The following IMPG1 variants were observed in gnomAD, a reference collection of about 807,000 sequenced individuals.
IMPG1 encodes interphotoreceptor matrix proteoglycan of 150 kDa.
In IMPG1, 85 loss-of-function variants were observed where a neutral mutation model predicts 92.0. The ratio of observed to expected loss-of-function variants is 0.92; its 90% CI spans 0.78 to 1.11. IMPG1 has a LOEUF of 1.11. Among genes scored for constraint, IMPG1 ranks in the 50% least tolerant of loss-of-function variants. IMPG1 has a pLI of 0.00. For missense variants in IMPG1, 1,022 were observed against 956.0 expected (o/e 1.07, Z -0.91); for synonymous variants, 367 against 334.1 (o/e 1.10, Z -1.08).
intron 1 of IMPG1, among the ~76,000 whole-genome samples, chr6:76,067,045 C>G (rs1049090857): frequency 6.6e-6 from 1 of 151,806 alleles, no homozygotes; most frequent in African/African-American, 2.4e-5. Flanking sequence ...CAAAGCAGTG[C>G]TAAGAGAGAA....
rs3736926 is a variant in IMPG1, at chr6:76,007,275, A to G, written c.887+205T>C. ...GCTGACCAAGGAAATATTTACCTGT[A>G]TCCCACATAGTGACTTTGATAAGAG... On this transcript the variant is annotated intron_variant, in intron 9 of 16. Coordinates refer to ENST00000369950, the MANE Select transcript of IMPG1 (RefSeq NM_001563.4). Among the ~76,000 whole-genome samples the G allele has an allele frequency of 1.3e-3, 199 of 152,190 alleles. 3 individuals are homozygous for G. In the East Asian group the frequency reaches 0.029, roughly 22 times the overall value.
chr6:76,061,635 A>G lies in IMPG1; in HGVS notation c.67+10787T>C, dbSNP rs149052595. On this transcript the variant is annotated intron_variant, in intron 1 of 16. Coordinates refer to ENST00000369950, the MANE Select transcript of IMPG1 (RefSeq NM_001563.4). ...TAAAGGTTTCATTTAGTATAACCAA[A>G]TGTAATGTAAAAGACACATACTAAG... Among the ~76,000 whole-genome samples, 548 of 152,352 alleles carry G rather than the reference A, an allele frequency of 3.6e-3. 4 individuals are homozygous for G. Among genetic ancestry groups the G allele is most frequent in the African/African-American group, 0.013 (522 of 41,582 alleles).
chr6:76,067,185 A>G (rs1784323457), intron 1 of IMPG1, among the ~76,000 whole-genome samples: 1 of 152,064 alleles, frequency 6.6e-6, no homozygotes, highest in Non-Finnish European at 1.5e-5. Flanking sequence ...AATAACAAAC[A>G]TCAAAGGAGA....
chr6:76,067,377 T>C (rs1305314715), intron 1 of IMPG1, among the ~76,000 whole-genome samples: 1 of 151,874 alleles, frequency 6.6e-6, no homozygotes, highest in Non-Finnish European at 1.5e-5. Context: ...ACCACAGAAA[T>C]ACAAAAGATC....
At chr6:75,964,849 T>A (rs1225443078) in intron 12 of IMPG1, among the ~76,000 whole-genome samples, 1 of 152,110 alleles carries the variant, frequency 6.6e-6, no homozygotes, top group Non-Finnish European at 1.5e-5. Flanking sequence ...CATGTTGCCC[T>A]TTTACAGTCA....
intron 14 of IMPG1, among the ~76,000 whole-genome samples, chr6:75,932,593 A>G (rs556479715): frequency 2.6e-4 from 40 of 152,312 alleles, no homozygotes; most frequent in African/African-American, 9.6e-4. Context: ...AACTTTTGTA[A>G]GCAAAATTTT....
intron 12 of IMPG1, among the ~76,000 whole-genome samples, chr6:75,983,485 T>C (rs955540315): frequency 2.0e-5 from 3 of 152,082 alleles, no homozygotes; most frequent in African/African-American, 7.2e-5. Context: ...GAAAGGACAG[T>C]CTCTTCAATA....
intron 10 of IMPG1, 123 bp from the exon 11 acceptor site, chr6:76,004,073 C>G (rs1417102970): frequency 3.1e-6 from 2 of 654,830 alleles, no homozygotes; most frequent in Non-Finnish European, 5.2e-6. Flanking sequence ...TACAACAAAT[C>G]ATTAGGAAAC....
At chr6:76,005,616 C>G in intron 9 of IMPG1, 82 bp from the exon 10 acceptor site, 2 of 1,456,552 alleles carry the variant, frequency 1.4e-6, no homozygotes, top group Non-Finnish European at 1.9e-6. Context: ...TGCTACAAAG[C>G]TTCAGGATAG....
rs1161286989 is a variant in IMPG1 at position 76,022,022 on chromosome 6, ATTTAAAGGATGG to A, written c.666+82_666+93del. ...GTCACAAAAATACAGCACTAATATT[ATTTAAAGGATGG>A]TTTATCCATTCTCTTTTCCTGTTTT... On this transcript the variant is annotated intron_variant, in intron 6 of 16. Transcript: ENST00000369950. The A allele has an allele frequency of 9.2e-6, 6 of 650,260 alleles. No homozygotes were observed. The Admixed American group carries it at 1.0e-4, about 11-fold the overall frequency. 40.3% of individuals were successfully genotyped at this position (650,260 alleles called of 1,614,324 possible).
At chr6:75,974,392 T>C (rs200148501) in intron 12 of IMPG1, among the ~76,000 whole-genome samples, 6,863 of 58,460 alleles carry the variant, frequency 0.12, 264 homozygotes, top group East Asian at 0.19. Context: ...TCTTTCTTTC[T>C]TTTCTTTCTT....
chr6:76,071,772 A>T (rs1301372705), intron 1 of IMPG1, among the ~76,000 whole-genome samples: 2 of 152,072 alleles, frequency 1.3e-5, no homozygotes, highest in African/African-American at 4.8e-5. Context: ...TTTCTCCAAC[A>T]TGTGTGTTTC....
At chr6:75,929,702 T>G (rs1036554548) in intron 15 of IMPG1, among the ~76,000 whole-genome samples, 1 of 147,678 alleles carries the variant, frequency 6.8e-6, no homozygotes, top group Non-Finnish European at 1.5e-5. Flanking sequence ...AGTATAATAA[T>G]AATAAAATTA....
intron 12 of IMPG1, among the ~76,000 whole-genome samples, chr6:75,967,131 T>C (rs779069932): frequency 1.4e-4 from 22 of 152,112 alleles, no homozygotes; most frequent in South Asian, 2.1e-4. Context: ...TGAGCCGAGA[T>C]TGTGCCATTG....
At chr6:75,962,997 C>G (rs114467368) in intron 12 of IMPG1, among the ~76,000 whole-genome samples, 7,313 of 151,968 alleles carry the variant, frequency 0.048, 196 homozygotes, top group East Asian at 0.1. Context: ...GCCAAGATTG[C>G]CCCACTGTAC....
chr6:76,013,971 T>C (rs1318963131), intron 7 of IMPG1, among the ~76,000 whole-genome samples: 1 of 152,228 alleles, frequency 6.6e-6, no homozygotes, highest in Non-Finnish European at 1.5e-5. Context: ...TTTCATTCCC[T>C]GAACATAAGA....
intron 12 of IMPG1, among the ~76,000 whole-genome samples, chr6:75,975,754 C>T (rs1479110482): frequency 6.6e-6 from 1 of 152,098 alleles, no homozygotes; most frequent in Non-Finnish European, 1.5e-5. Context: ...CTGACAAGGG[C>T]CAAACGATAA....
chr6:76,029,282 G>A (rs951523961), intron 4 of IMPG1, among the ~76,000 whole-genome samples: 1 of 152,180 alleles, frequency 6.6e-6, no homozygotes, highest in Non-Finnish European at 1.5e-5. Context: ...AGCATTAAAA[G>A]GTCTCACCTG....
chr6:75,922,393 T>C (rs1265395463), intron 16 of IMPG1, among the ~76,000 whole-genome samples: 1 of 152,212 alleles, frequency 6.6e-6, no homozygotes, highest in Non-Finnish European at 1.5e-5. Flanking sequence ...ACCCATCTCA[T>C]AGAGCAGGAG....
Sources: allele counts gnomAD v4.1 joint callset (sites outside exome capture counted in the v4.1 genomes callset), GRCh38; gene constraint gnomAD v4.1.1; transcripts MANE v1.5; gene names NCBI Gene and HGNC (gene_info 2026-07-23, HGNC 2026-07-21).